Variants in MBTD1 observed in about 807,000 individuals in gnomAD.
MBTD1 encodes mbt domain containing 1.
In MBTD1, 24 loss-of-function variants were observed where a neutral mutation model predicts 87.8. That is an observed-to-expected ratio of 0.27 (90% CI 0.20 to 0.38). The LOEUF is 0.38. Among genes scored for constraint, MBTD1 ranks in the 10% least tolerant of loss-of-function variants. The pLI is 1.00. For missense variants in MBTD1, 436 were observed against 760.2 expected (o/e 0.57, Z 5.02); for synonymous variants, 237 against 248.6 (o/e 0.95, Z 0.44).
chr17:51,211,793 ACC>A (rs2052236185), intron 6 of MBTD1, among the ~76,000 whole-genome samples: 1 of 151,826 alleles, frequency 6.6e-6, no homozygotes. Context: ...GAAAAAAAAA[ACC>A]AAAAATGACT....
rs2050205336 is a variant in MBTD1 at position 51,179,486 on chromosome 17, A to ATATATATATATATATATTTATATT, written c.*1089_*1090insAATATAAATATATATATATATATA. 6.7e-5 allele frequency: 1 copy of ATATATATATATATATATTTATATT among 15,016 alleles called. No homozygotes were observed. The highest frequency in any genetic ancestry group is 1.4e-4 in the Non-Finnish European group (1 of 7,318). The allele number at this position is 15,016 out of a possible 1,614,324, so 0.9% of individuals were successfully genotyped here. Reference sequence around the variant, plus strand: ...CCTGAATACAATTAAAGACAATTTTATATATATATATATATATATATATAT... The same window carrying ATATATATATATATATATTTATATT: ...CCTGAATACAATTAAAGACAATTTTATATATATATATATATATTTATATTTATATATATATATATATATATATAT... On this transcript the variant is annotated 3_prime_UTR_variant, in exon 17 of 17. Transcript: ENST00000586178.
intron 2 of MBTD1, among the ~76,000 whole-genome samples, chr17:51,229,658 TA>T (rs1286058016): frequency 2.5e-5 from 3 of 122,284 alleles, no homozygotes; most frequent in African/African-American, 1.0e-4. Flanking sequence ...ATTTTTAGTA[TA>T]CTTTTTTTTT....
At position 51,180,550 on chromosome 17, in the gene MBTD1, C is replaced by G. The variant is rs1432288027; in HGVS notation, c.*26G>C. The G allele has an allele frequency of 7.9e-7, 1 of 1,258,646 alleles. No individual in the cohort carries two copies. Among genetic ancestry groups the G allele is most frequent in the South Asian group, 1.3e-5 (1 of 77,692 alleles). 78.0% of individuals were successfully genotyped at this position (1,258,646 alleles called of 1,614,324 possible). On this transcript the variant is annotated 3_prime_UTR_variant, in exon 17 of 17. Transcript: ENST00000586178. ...ATCAGTCCTGTGTAAAATCCTTCCC[C>G]ACCCGCCCTCAGTTTCTAAGCCACC...
chr17:51,228,780 C>T (rs892695311), intron 2 of MBTD1, among the ~76,000 whole-genome samples: 1 of 151,498 alleles, frequency 6.6e-6, no homozygotes, highest in Non-Finnish European at 1.5e-5. Flanking sequence ...GCCCGTAATC[C>T]CAGCTACTCG....
chr17:51,206,827 T>C, intron 7 of MBTD1, 61 bp downstream of exon 7: 4 of 1,175,790 alleles, frequency 3.4e-6, no homozygotes, highest in Non-Finnish European at 3.7e-6. Context: ...AACATGCTTT[T>C]TTTACGAAAG....
chr17:51,238,334 A>C (rs1007103323), intron 2 of MBTD1, among the ~76,000 whole-genome samples: 1 of 152,184 alleles, frequency 6.6e-6, no homozygotes, highest in African/African-American at 2.4e-5. Flanking sequence ...CCTTCGAAAA[A>C]CTTAGCTCTC....
intron 12 of MBTD1, 88 bp from the exon 13 acceptor site, chr17:51,195,449 C>T: frequency 9.1e-7 from 1 of 1,096,728 alleles, no homozygotes; most frequent in Non-Finnish European, 1.3e-6. Context: ...AAAGGAAAAT[C>T]TATTATATAA....
chr17:51,218,165 C>T (rs1013425236), intron 5 of MBTD1, among the ~76,000 whole-genome samples: 3 of 151,966 alleles, frequency 2.0e-5, no homozygotes, highest in African/African-American at 7.3e-5. Context: ...TTGCCCTTCT[C>T]ACTATTTACT....
chr17:51,241,253 T>C (rs2054146152), intron 2 of MBTD1, among the ~76,000 whole-genome samples: 2 of 152,080 alleles, frequency 1.3e-5, no homozygotes, highest in Admixed American at 1.3e-4. Flanking sequence ...GGATTACAGG[T>C]GTGAGCTGCT....
Position 51,259,903 on chromosome 17 carries a change from C to T in MBTD1, c.-181G>A. 8.1e-7 allele frequency: 1 copy of T among 1,231,538 alleles called. No individual in the cohort carries two copies. The highest frequency in any genetic ancestry group is 4.2e-5 in the Admixed American group (1 of 23,714). 76.3% of individuals were successfully genotyped at this position (1,231,538 alleles called of 1,614,324 possible). A position where few individuals can be genotyped will look rare whatever the true frequency, so the allele number is the denominator to read the frequency against. ...GTCCGTGCTCCCCGAGCCCGCGGCG[C>T]CCCCTCCCCGGGCTGGGGGCAGGTG... is the stretch of plus-strand genomic sequence containing the variant. On this transcript the variant is annotated 5_prime_UTR_variant, in exon 1 of 17. Transcript: ENST00000586178.
At chr17:51,188,169 A>G (rs183118301) in intron 16 of MBTD1, among the ~76,000 whole-genome samples, 1 of 152,218 alleles carries the variant, frequency 6.6e-6, no homozygotes, top group Non-Finnish European at 1.5e-5. Flanking sequence ...CACTCTTACT[A>G]CTTACAGTAG....
chr17:51,196,352 T>C (rs2145128369), intron 12 of MBTD1, among the ~76,000 whole-genome samples: 1 of 151,612 alleles, frequency 6.6e-6, no homozygotes, highest in South Asian at 2.1e-4. Flanking sequence ...GCCTCCCAAG[T>C]AGCTGGGATT....
intron 7 of MBTD1, among the ~76,000 whole-genome samples, chr17:51,204,656 C>T (rs1299027686): frequency 2.0e-5 from 3 of 152,008 alleles, no homozygotes; most frequent in Non-Finnish European, 1.5e-5. Context: ...GCGTGCGCCA[C>T]CATGCCCAGC....
chr17:51,240,871 T>C (rs2054125068), intron 2 of MBTD1, among the ~76,000 whole-genome samples: 1 of 152,220 alleles, frequency 6.6e-6, no homozygotes, highest in Non-Finnish European at 1.5e-5. Flanking sequence ...TTTTGGGTTT[T>C]AGGTGCCCTC....
chr17:51,184,319 T>G (rs951574322), intron 16 of MBTD1: 2 of 152,268 alleles, frequency 1.3e-5, no homozygotes, highest in African/African-American at 4.8e-5. Context: ...TTCTCAGCTC[T>G]GTTTTTAGAA....
Position 51,202,007 on chromosome 17 carries a change from A to G in MBTD1, c.1119+15T>C. The G allele has an allele frequency of 6.3e-7, 1 of 1,581,652 alleles. No individual in the cohort carries two copies. On this transcript the variant is annotated intron_variant, in intron 11 of 16. Coordinates refer to ENST00000586178, the MANE Select transcript of MBTD1 (RefSeq NM_017643.3). ...ACCTAATTTACAAATGAGGGTTCTT[A>G]TAAAAACTTCTTACCTTAGCAAATA...
chr17:51,181,664 TC>T (rs1452357296), intron 16 of MBTD1, among the ~76,000 whole-genome samples: 4 of 152,034 alleles, frequency 2.6e-5, no homozygotes, highest in African/African-American at 9.7e-5. Flanking sequence ...GTACCTCTCC[TC>T]CTACCAAGAA....
At chr17:51,199,404 T>C (rs1026357741) in intron 12 of MBTD1, among the ~76,000 whole-genome samples, 3 of 152,086 alleles carry the variant, frequency 2.0e-5, no homozygotes, top group African/African-American at 4.8e-5. Context: ...CCTTTTTTTT[T>C]CTTTTTAACA....
intron 15 of MBTD1, 195 bp from the exon 16 acceptor site, chr17:51,192,475 A>G (rs2050859793): frequency 3.2e-6 from 2 of 627,528 alleles, no homozygotes; most frequent in Admixed American, 6.3e-5. Flanking sequence ...TTTACTCAAA[A>G]GCATTTATTA....
Sources: gnomAD v4.1 joint callset for allele counts (sites outside exome capture counted in the v4.1 genomes callset) on GRCh38, gnomAD v4.1.1 for gene constraint, MANE v1.5 for transcripts, NCBI Gene and HGNC (gene_info 2026-07-23, HGNC 2026-07-21) for gene names.